GPR141: variants seen among roughly 807,000 people sequenced by gnomAD.
GPR141 encodes G protein-coupled receptor 141.
In GPR141, 6 loss-of-function variants were observed where a neutral mutation model predicts 6.8. The observed-to-expected ratio is 0.88, with a 90% CI of 0.48 to 1.74. The LOEUF (loss-of-function observed/expected upper bound fraction) is 1.74, where lower values mean the gene tolerates loss of function less well. GPR141 is among the 40% of genes most tolerant of loss of function. GPR141 has a pLI of 0.01. For missense variants in GPR141, 372 were observed against 372.9 expected (o/e 1.00, Z 0.02); for synonymous variants, 140 against 142.3 (o/e 0.98, Z 0.11).
intron 2 of GPR141, among the ~76,000 whole-genome samples, chr7:37,689,162 C>T (rs908841223): frequency 6.6e-6 from 1 of 151,964 alleles, no homozygotes; most frequent in African/African-American, 2.4e-5. Context: ...TGGCTTTTGT[C>T]TTTCATTCTA....
At chr7:37,712,588 G>A (rs1810855563) in intron 2 of GPR141, among the ~76,000 whole-genome samples, 2 of 152,262 alleles carry the variant, frequency 1.3e-5, no homozygotes, top group Admixed American at 1.3e-4. Context: ...AAGGCCTTTT[G>A]TTTTTAAGCA....
chr7:37,728,645 C>T (rs981782493), intron 2 of GPR141, among the ~76,000 whole-genome samples: 1 of 151,878 alleles, frequency 6.6e-6, no homozygotes, highest in African/African-American at 2.4e-5. Context: ...CACTGAGACC[C>T]AAGCAAGGTT....
chr7:37,740,610 T>C lies in GPR141; in HGVS notation c.217T>C (p.Leu73=), dbSNP rs140834367. ...TTTTCTGCTGACAGTGCCATTTCGC[T>C]TGACCTACCTCATCAAGAAGACTTG... ...SVFLLTVPFR[L]TYLIKKTWMF... The change falls in exon 3 of 3, where the codon TTG becomes CTG. Residue 73 remains leucine, a synonymous_variant. Transcript: ENST00000334425. The C allele has an allele frequency of 2.5e-6, 4 of 1,614,140 alleles. No individual in the cohort carries two copies. In the East Asian group the frequency reaches 8.9e-5, roughly 36 times the overall value.
intron 2 of GPR141, among the ~76,000 whole-genome samples, chr7:37,727,131 A>G (rs1206534087): frequency 6.6e-6 from 1 of 152,216 alleles, no homozygotes; most frequent in Non-Finnish European, 1.5e-5. Context: ...GTGATTTGAA[A>G]TAACATCTTT....
intron 1 of GPR141, among the ~76,000 whole-genome samples, chr7:37,684,648 A>G (rs762799201): frequency 6.6e-6 from 1 of 152,220 alleles, no homozygotes; most frequent in Non-Finnish European, 1.5e-5. Flanking sequence ...TAAGTCAGTA[A>G]TGCCTAACCT....
chr7:37,740,204 G>C (rs1037171159), intron 2 of GPR141, among the ~76,000 whole-genome samples, 176 bp from the exon 3 acceptor site: 1 of 152,196 alleles, frequency 6.6e-6, no homozygotes, highest in African/African-American at 2.4e-5. Flanking sequence ...ATGGCTTACT[G>C]TGTTTTAGGT....
chr7:37,709,638 A>G (rs182441774), intron 2 of GPR141: 18 of 152,318 alleles, frequency 1.2e-4, no homozygotes, highest in Admixed American at 7.2e-4. Context: ...TAATTCACCA[A>G]TTTTATAGAT....
At chr7:37,733,361 G>C (rs1812068018) in intron 2 of GPR141, among the ~76,000 whole-genome samples, 1 of 152,140 alleles carries the variant, frequency 6.6e-6, no homozygotes, top group Admixed American at 6.5e-5. Flanking sequence ...GCAGGGACGT[G>C]GATGAGGAAA....
intron 2 of GPR141, among the ~76,000 whole-genome samples, chr7:37,717,583 C>A (rs73344297): frequency 1.3e-5 from 2 of 152,124 alleles, no homozygotes; most frequent in Non-Finnish European, 2.9e-5. Flanking sequence ...TCTCTCACCC[C>A]CCTTGTTGTG....
At chr7:37,705,534 G>C (rs1025534106) in intron 2 of GPR141, among the ~76,000 whole-genome samples, 1 of 152,144 alleles carries the variant, frequency 6.6e-6, no homozygotes, top group African/African-American at 2.4e-5. Flanking sequence ...ATTGGAAATT[G>C]CTTGCTGGCC....
At position 37,742,491 on chromosome 7, in the gene GPR141, C is replaced by T. The variant is rs985107768; in HGVS notation, c.*1180C>T. Among the ~76,000 whole-genome samples the T allele has an allele frequency of 5.9e-5, 9 of 151,474 alleles. No homozygotes were observed. Among genetic ancestry groups the T allele is most frequent in the African/African-American group, 1.7e-4 (7 of 41,170 alleles). Reference sequence around the variant, plus strand: ...ACTCCCACTTCTAAGTGAGAACATGCGGTGTTTGGTTTTCTGTTCCTGTGT... The same window carrying T: ...ACTCCCACTTCTAAGTGAGAACATGTGGTGTTTGGTTTTCTGTTCCTGTGT... On this transcript the variant is annotated 3_prime_UTR_variant, in exon 3 of 3. Coordinates refer to ENST00000334425, the MANE Select transcript of GPR141 (RefSeq NM_001381946.1).
At chr7:37,729,082 G>C (rs1020513298) in intron 2 of GPR141, among the ~76,000 whole-genome samples, 1 of 152,166 alleles carries the variant, frequency 6.6e-6, no homozygotes, top group Admixed American at 6.5e-5. Context: ...GTCACAGCTC[G>C]AGGCTGAAGG....
intron 2 of GPR141, among the ~76,000 whole-genome samples, chr7:37,735,927 A>G (rs911816024): frequency 6.6e-6 from 1 of 152,194 alleles, no homozygotes; most frequent in Non-Finnish European, 1.5e-5. Flanking sequence ...TTGGTTTAGC[A>G]GCAGAATAGA....
chr7:37,742,508 T>C lies in GPR141; in HGVS notation c.*1197T>C, dbSNP rs1812615573. Among the ~76,000 whole-genome samples the C allele has an allele frequency of 1.3e-5, 2 of 152,208 alleles. No individual in the cohort carries two copies. Among genetic ancestry groups the C allele is most frequent in the South Asian group, 4.1e-4 (2 of 4,820 alleles). ...AGAACATGCGGTGTTTGGTTTTCTG[T>C]TCCTGTGTTAGTTTGCTGAGAATGA... is the stretch of plus-strand genomic sequence containing the variant. On this transcript the variant is annotated 3_prime_UTR_variant, in exon 3 of 3. Coordinates refer to ENST00000334425, the MANE Select transcript of GPR141 (RefSeq NM_001381946.1).
At chr7:37,704,510 A>G (rs1810435250) in intron 2 of GPR141, among the ~76,000 whole-genome samples, 1 of 152,138 alleles carries the variant, frequency 6.6e-6, no homozygotes, top group Non-Finnish European at 1.5e-5. Context: ...CTCACTCACT[A>G]TCATGGGAAC....
intron 2 of GPR141, among the ~76,000 whole-genome samples, chr7:37,714,285 C>A (rs1224316541): frequency 6.6e-6 from 1 of 152,130 alleles, no homozygotes; most frequent in Non-Finnish European, 1.5e-5. Context: ...TCTCTTATTT[C>A]AATTACTATG....
intron 2 of GPR141, among the ~76,000 whole-genome samples, chr7:37,710,198 G>A (rs1481333200): frequency 6.6e-6 from 1 of 151,864 alleles, no homozygotes; most frequent in Non-Finnish European, 1.5e-5. Flanking sequence ...TTTTTCTTTT[G>A]GGTATTTTTT....
Position 37,741,240 on chromosome 7 carries a change from T to C in GPR141, c.847T>C (p.Phe283Leu). 2 of 1,612,256 alleles carry C rather than the reference T, an allele frequency of 1.2e-6. No individual in the cohort carries two copies. The highest frequency in any genetic ancestry group is 2.7e-5 in the African/African-American group (2 of 75,012). The change falls in exon 3 of 3, where the codon TTT becomes CTT. Residue 283 changes from phenylalanine (F) to leucine (L), a missense_variant. Phe to Leu is a conservative substitution (Grantham distance 22, BLOSUM62 0). Transcript: ENST00000334425. Reference sequence around the variant, plus strand: ...AATTAGCTGCTATGATTTGCTTCTCTTTGTCTTTGGGGGAAGCCATTGGTT... The same window carrying C: ...AATTAGCTGCTATGATTTGCTTCTCCTTGTCTTTGGGGGAAGCCATTGGTT... ...TAISCYDLLL[F>L]VFGGSHWFKQ...
intron 2 of GPR141, among the ~76,000 whole-genome samples, chr7:37,687,462 G>A (rs942898286): frequency 7.9e-5 from 12 of 151,924 alleles, no homozygotes; most frequent in Non-Finnish European, 1.8e-4. Context: ...TATTTGCTTT[G>A]GGATACAATT....
Sources: gnomAD v4.1 joint callset for allele counts (sites outside exome capture counted in the v4.1 genomes callset) on GRCh38, gnomAD v4.1.1 for gene constraint, MANE v1.5 for transcripts, NCBI Gene and HGNC (gene_info 2026-07-23, HGNC 2026-07-21) for gene names.